Variants in DNAH14 observed in about 807,000 individuals in gnomAD.
DNAH14 encodes the protein dynein axonemal heavy chain 14.
Under a neutral mutation model 520.9 loss-of-function variants are expected in DNAH14, and 478 were observed. That is an observed-to-expected ratio of 0.92 (90% CI 0.85 to 0.99). The LOEUF (loss-of-function observed/expected upper bound fraction) is 0.99, where lower values mean the gene tolerates loss of function less well. Among genes scored for constraint, DNAH14 ranks in the 50% least tolerant of loss-of-function variants. The pLI is 0.00. For missense variants in DNAH14, 4,831 were observed against 5,234.5 expected (o/e 0.92, Z 2.38); for synonymous variants, 1,581 against 1,757.2 (o/e 0.90, Z 2.51).
chr1:225,031,520 T>C (rs1386276249), intron 11 of DNAH14, among the ~76,000 whole-genome samples: 5 of 150,402 alleles, frequency 3.3e-5, no homozygotes, highest in Non-Finnish European at 5.9e-5. Context: ...TGCTGACCCA[T>C]GCTCTAGAGT....
intron 60 of DNAH14, among the ~76,000 whole-genome samples, chr1:225,316,509 G>A (rs2094469886): frequency 6.6e-6 from 1 of 152,180 alleles, no homozygotes; most frequent in South Asian, 2.1e-4. Flanking sequence ...CTCCTGGTCT[G>A]CGGGTTGTGA....
chr1:225,351,892 G>A lies in DNAH14; in HGVS notation c.11533+9G>A. 2 of 1,546,570 alleles carry A rather than the reference G, an allele frequency of 1.3e-6. No individual in the cohort carries two copies. Among genetic ancestry groups the A allele is most frequent in the Non-Finnish European group, 1.7e-6 (2 of 1,143,176 alleles). Reference sequence around the variant, plus strand: ...AAAACCACCAGAGGAAAGTAAGAAAGCATTCAGTGTTTTAACCTAACTTAA... The same window carrying A: ...AAAACCACCAGAGGAAAGTAAGAAAACATTCAGTGTTTTAACCTAACTTAA... On this transcript the variant is annotated intron_variant, in intron 72 of 85. Coordinates refer to ENST00000682510, the MANE Select transcript of DNAH14 (RefSeq NM_001367479.1).
chr1:225,213,561 T>A lies in DNAH14; in HGVS notation c.6439+6341T>A, dbSNP rs541569425. On this transcript the variant is annotated intron_variant, in intron 41 of 85. Coordinates refer to ENST00000682510, the MANE Select transcript of DNAH14 (RefSeq NM_001367479.1). ...TGAGCATGAGATGTTCTTCCATTTG[T>A]TTGTGTCCTCTTTTATTTCGTTGAG... 1.6e-4 allele frequency among the ~76,000 whole-genome samples: 24 copies of A among 152,330 alleles called. No homozygotes were observed. In the East Asian group the frequency reaches 4.6e-3, roughly 29 times the overall value.
intron 11 of DNAH14, among the ~76,000 whole-genome samples, chr1:225,025,003 TA>T (rs2065988037): frequency 6.6e-6 from 1 of 152,134 alleles, no homozygotes; most frequent in Admixed American, 6.6e-5. Flanking sequence ...GCTCGTTTTT[TA>T]AACACAATGT....
intron 8 of DNAH14, among the ~76,000 whole-genome samples, chr1:224,999,762 A>G (rs2063628790): frequency 6.6e-6 from 1 of 152,040 alleles, no homozygotes; most frequent in East Asian, 1.9e-4. Flanking sequence ...CTATAGTATA[A>G]GATTATATAT....
chr1:225,371,361 G>A (rs756583127), intron 77 of DNAH14, among the ~76,000 whole-genome samples: 4 of 151,974 alleles, frequency 2.6e-5, no homozygotes, highest in African/African-American at 7.3e-5. Context: ...TGTAGAAGAG[G>A]CATTTGTTAT....
At chr1:225,006,648 G>A (rs1350064401) in intron 9 of DNAH14, among the ~76,000 whole-genome samples, 1 of 152,150 alleles carries the variant, frequency 6.6e-6, no homozygotes, top group Non-Finnish European at 1.5e-5. Context: ...TTGGTTGTCT[G>A]CTCTCAAACC....
At chr1:225,317,242 T>C (rs2094484044) in intron 60 of DNAH14, among the ~76,000 whole-genome samples, 2 of 152,184 alleles carry the variant, frequency 1.3e-5, no homozygotes, top group African/African-American at 2.4e-5. Context: ...TGATTCATTC[T>C]TCTTTATTAC....
chr1:225,039,266 C>T (rs1335681970), intron 12 of DNAH14, among the ~76,000 whole-genome samples: 4 of 152,164 alleles, frequency 2.6e-5, no homozygotes, highest in East Asian at 1.9e-4. Flanking sequence ...TGTAAAGTAG[C>T]ATCTACCCCC....
intron 25 of DNAH14, 34 bp downstream of exon 25, chr1:225,118,033 T>C: frequency 7.1e-7 from 1 of 1,410,910 alleles, no homozygotes; most frequent in Admixed American, 2.0e-5. Flanking sequence ...TTAGATTCTG[T>C]ACAACGTCAT....
intron 49 of DNAH14, among the ~76,000 whole-genome samples, chr1:225,269,242 T>C (rs1406917768): frequency 1.3e-5 from 2 of 152,182 alleles, no homozygotes; most frequent in Non-Finnish European, 2.9e-5. Context: ...GATTCCCTAT[T>C]TAATAAATGG....
chr1:225,323,766 C>T (rs963108513), intron 62 of DNAH14, among the ~76,000 whole-genome samples: 3 of 151,926 alleles, frequency 2.0e-5, no homozygotes, highest in Admixed American at 6.5e-5. Context: ...CAGCCACTAG[C>T]GTCATTTTTG....
intron 46 of DNAH14, 118 bp from the exon 47 acceptor site, chr1:225,264,079 T>C: frequency 3.7e-6 from 3 of 809,116 alleles, no homozygotes; most frequent in Non-Finnish European, 5.7e-6. Context: ...AGAAAAAAAA[T>C]TTTTCTTGTA....
At chr1:225,027,611 G>A (rs1169444112) in intron 11 of DNAH14, among the ~76,000 whole-genome samples, 1 of 152,092 alleles carries the variant, frequency 6.6e-6, no homozygotes, top group African/African-American at 2.4e-5. Context: ...TACATGGCTG[G>A]ATCAGGAGGA....
In DNAH14 at chr1:225,142,025, ACT is replaced by A. The variant is rs569770305; in HGVS notation, c.4508+1005_4508+1006del. ...AAGTATGTAACTGAGGCCACTGTTGACTATATTTTATCTGAATACTTTATATC... is the reference window on the plus strand; with the variant it reads ...AAGTATGTAACTGAGGCCACTGTTGAATATTTTATCTGAATACTTTATATC... On this transcript the variant is annotated intron_variant, in intron 28 of 85. Coordinates refer to ENST00000682510, the MANE Select transcript of DNAH14 (RefSeq NM_001367479.1). Among the ~76,000 whole-genome samples the A allele has an allele frequency of 7.9e-4, 121 of 152,296 alleles. 1 individual carries two copies. Among genetic ancestry groups the A allele is most frequent in the African/African-American group, 2.8e-3 (117 of 41,560 alleles).
At chr1:225,196,263 TATG>T (rs2086116554) in intron 38 of DNAH14, among the ~76,000 whole-genome samples, 1 of 152,174 alleles carries the variant, frequency 6.6e-6, no homozygotes, top group Non-Finnish European at 1.5e-5. Context: ...AGTGAGAGCG[TATG>T]ATGTTTGGTT....
At chr1:225,358,969 C>T (rs1183009242) in intron 74 of DNAH14, among the ~76,000 whole-genome samples, 1 of 152,180 alleles carries the variant, frequency 6.6e-6, no homozygotes, top group Non-Finnish European at 1.5e-5. Flanking sequence ...TGTAAAGATC[C>T]ATGCAGAACT....
intron 85 of DNAH14, 56 bp downstream of exon 85, chr1:225,398,722 T>G: frequency 6.5e-7 from 1 of 1,529,440 alleles, no homozygotes; most frequent in East Asian, 2.5e-5. Flanking sequence ...GCTTCAGTAA[T>G]ATACAAACCA....
rs1169372024 is a variant in DNAH14 at position 225,340,642 on chromosome 1, A to G, written c.10619A>G (p.Asp3540Gly). Reference sequence around the variant, plus strand: ...AAGTTACTGGAGAGTATTTCCCTTGATGCCATAACTCTTGAAGAACTAGAG... The same window carrying G: ...AAGTTACTGGAGAGTATTTCCCTTGGTGCCATAACTCTTGAAGAACTAGAG... ...RSKLLESISL[D>G]AITLEELEEK... The change falls in exon 69 of 86, where the codon GAT becomes GGT. Residue 3540 changes from aspartate to glycine, a missense_variant. Coordinates refer to ENST00000682510, the MANE Select transcript of DNAH14 (RefSeq NM_001367479.1). The G allele has an allele frequency of 6.4e-7, 1 of 1,551,450 alleles. No homozygotes were observed. The highest frequency in any genetic ancestry group is 8.7e-7 in the Non-Finnish European group (1 of 1,146,858).
Sources: gnomAD v4.1 joint callset for allele counts (sites outside exome capture counted in the v4.1 genomes callset) on GRCh38, gnomAD v4.1.1 for gene constraint, MANE v1.5 for transcripts, NCBI Gene and HGNC (gene_info 2026-07-23, HGNC 2026-07-21) for gene names.